FAM13A: variants seen among roughly 807,000 people sequenced by gnomAD.
FAM13A encodes protein FAM13A.
In FAM13A, 76 loss-of-function variants were observed where a neutral mutation model predicts 129.6. The ratio of observed to expected loss-of-function variants is 0.59; its 90% CI spans 0.49 to 0.71. The LOEUF (loss-of-function observed/expected upper bound fraction) is 0.71, where lower values mean the gene tolerates loss of function less well. Ranked by LOEUF, FAM13A falls within the 30% of genes least tolerant of loss-of-function variation. The pLI, the probability that FAM13A is intolerant of heterozygous loss-of-function variation, is 0.00. For synonymous variants in FAM13A, 443 were observed against 449.9 expected, an observed-to-expected ratio of 0.98 and a Z score of 0.20; for missense variants, 1,108 against 1,249.3, an observed-to-expected ratio of 0.89 and a Z score of 1.70.
At chr4:88,932,656 GT>G (rs1158324966) in intron 5 of FAM13A, among the ~76,000 whole-genome samples, 2 of 152,180 alleles carry the variant, frequency 1.3e-5, no homozygotes, top group Non-Finnish European at 2.9e-5. Context: ...GGTTTAGGAA[GT>G]TTCTGTGATA....
chr4:89,006,409 T>G (rs1383181443), intron 3 of FAM13A, among the ~76,000 whole-genome samples: 1 of 152,180 alleles, frequency 6.6e-6, no homozygotes, highest in African/African-American at 2.4e-5. Flanking sequence ...AAGTAGACAC[T>G]ACTGCTATTG....
intron 19 of FAM13A, among the ~76,000 whole-genome samples, chr4:88,743,219 C>G (rs952078749): frequency 1.3e-5 from 2 of 152,290 alleles, no homozygotes; most frequent in Middle Eastern, 3.4e-3. Flanking sequence ...ACAAAGGGAA[C>G]ACTAGCCAAT....
At chr4:88,798,049 G>A (rs562674657) in intron 8 of FAM13A, among the ~76,000 whole-genome samples, 84 of 152,314 alleles carry the variant, frequency 5.5e-4, no homozygotes, top group African/African-American at 1.9e-3. Context: ...AACAACCTGG[G>A]AAGGTAGATT....
At chr4:88,761,620 A>C (rs1031157113) in intron 13 of FAM13A, among the ~76,000 whole-genome samples, 1 of 152,106 alleles carries the variant, frequency 6.6e-6, no homozygotes, top group Non-Finnish European at 1.5e-5. Context: ...CCACAGCAAG[A>C]GAAGAGTTTC....
chr4:88,733,782 A>C (rs1010018499), intron 21 of FAM13A, among the ~76,000 whole-genome samples: 2 of 152,238 alleles, frequency 1.3e-5, no homozygotes, highest in African/African-American at 4.8e-5. Flanking sequence ...AAAAATTACT[A>C]TTAGAAGAGC....
intron 4 of FAM13A, among the ~76,000 whole-genome samples, chr4:88,940,614 C>G (rs1306580392): frequency 6.6e-6 from 1 of 152,142 alleles, no homozygotes; most frequent in Non-Finnish European, 1.5e-5. Context: ...AAAGCAAGCT[C>G]TATAGAAAAA....
At chr4:88,940,042 T>C (rs910533146) in intron 4 of FAM13A, among the ~76,000 whole-genome samples, 1 of 152,132 alleles carries the variant, frequency 6.6e-6, no homozygotes, top group Non-Finnish European at 1.5e-5. Flanking sequence ...CCCCTAGAAA[T>C]TGTGAGATAG....
intron 3 of FAM13A, among the ~76,000 whole-genome samples, chr4:88,995,159 T>C (rs1560710359): frequency 2.7e-5 from 4 of 145,754 alleles, no homozygotes; most frequent in African/African-American, 1.1e-4. Context: ...GTTGCACAAA[T>C]ATACAAACAG....
intron 4 of FAM13A, among the ~76,000 whole-genome samples, chr4:88,987,625 C>T (rs929837128): frequency 7.9e-5 from 12 of 151,688 alleles, no homozygotes; most frequent in Non-Finnish European, 1.6e-4. Context: ...GAGGCCGAGG[C>T]GGGCGGATCA....
chr4:88,814,732 T>C (rs763087994), intron 7 of FAM13A, among the ~76,000 whole-genome samples: 20 of 152,298 alleles, frequency 1.3e-4, no homozygotes, highest in South Asian at 6.2e-4. Context: ...TATGTTTTTT[T>C]CTAAACGCTT....
At chr4:88,734,640 TC>T (rs1289275192) in intron 21 of FAM13A, among the ~76,000 whole-genome samples, 1 of 152,156 alleles carries the variant, frequency 6.6e-6, no homozygotes, top group African/African-American at 2.4e-5. Context: ...CTTGGGGACA[TC>T]GGGCAATGTC....
At chr4:88,998,874 T>G (rs943635357) in intron 3 of FAM13A, among the ~76,000 whole-genome samples, 1 of 152,154 alleles carries the variant, frequency 6.6e-6, no homozygotes, top group African/African-American at 2.4e-5. Context: ...GGAGGGATTA[T>G]GTTTCTTACA....
At chr4:88,995,409 T>A (rs146781850) in intron 3 of FAM13A, among the ~76,000 whole-genome samples, 1 of 152,218 alleles carries the variant, frequency 6.6e-6, no homozygotes, top group East Asian at 1.9e-4. Flanking sequence ...ACCCTCAGTG[T>A]CTGGGTGGGC....
intron 19 of FAM13A, among the ~76,000 whole-genome samples, chr4:88,745,421 C>A (rs1741114324): frequency 1.3e-5 from 2 of 152,178 alleles, no homozygotes; most frequent in Non-Finnish European, 2.9e-5. Context: ...ACTCAATTGG[C>A]AGCAAGGTGA....
At chr4:88,983,090 G>T (rs1354464667) in intron 4 of FAM13A, among the ~76,000 whole-genome samples, 2 of 152,146 alleles carry the variant, frequency 1.3e-5, no homozygotes, top group Admixed American at 6.5e-5. Flanking sequence ...CTTGATGGCA[G>T]TTCAACTTCT....
intron 7 of FAM13A, among the ~76,000 whole-genome samples, chr4:88,844,469 C>T (rs1189345244): frequency 6.6e-6 from 1 of 152,086 alleles, no homozygotes; most frequent in Non-Finnish European, 1.5e-5. Flanking sequence ...TACAGGGCTG[C>T]CTGACAGAAG....
intron 1 of FAM13A, among the ~76,000 whole-genome samples, chr4:89,043,105 G>C (rs1579907466): frequency 6.6e-6 from 1 of 152,248 alleles, no homozygotes; most frequent in South Asian, 2.1e-4. Flanking sequence ...GTCTAGAAAG[G>C]ACCAGCAGTG....
At chr4:88,824,662 A>G (rs1240131375) in intron 7 of FAM13A, among the ~76,000 whole-genome samples, 3 of 152,066 alleles carry the variant, frequency 2.0e-5, no homozygotes, top group Non-Finnish European at 4.4e-5. Context: ...TTTCCATACC[A>G]TTTTTATTTT....
intron 4 of FAM13A, among the ~76,000 whole-genome samples, chr4:88,984,767 T>C (rs757247875): frequency 6.6e-6 from 1 of 152,196 alleles, no homozygotes; most frequent in African/African-American, 2.4e-5. Flanking sequence ...GAATATTTAT[T>C]TTATATTAGT....
Sources: allele counts gnomAD v4.1 joint callset (sites outside exome capture counted in the v4.1 genomes callset), GRCh38; gene constraint gnomAD v4.1.1; transcripts MANE v1.5; gene names NCBI Gene and HGNC (gene_info 2026-07-23, HGNC 2026-07-21).